ADPRM: variants seen among roughly 807,000 people sequenced by gnomAD.
ADPRM encodes ADP-ribose/CDP-alcohol diphosphatase, manganese dependent, also known as manganese-dependent ADP-ribose/CDP-alcohol diphosphatase.
Under a neutral mutation model 27.2 loss-of-function variants are expected in ADPRM, and 17 were observed. The observed-to-expected ratio is 0.63, with a 90% CI of 0.43 to 0.94. The LOEUF is 0.94. Among genes scored for constraint, ADPRM ranks in the 40% least tolerant of loss-of-function variants. The pLI is 0.00. For synonymous variants in ADPRM, 135 were observed against 145.3 expected, an observed-to-expected ratio of 0.93 and a Z score of 0.51; for missense variants, 337 against 412.8, an observed-to-expected ratio of 0.82 and a Z score of 1.59.
intron 1 of ADPRM, among the ~76,000 whole-genome samples, chr17:10,704,680 ATTGT>A (rs1172421704): frequency 1.3e-5 from 2 of 152,110 alleles, no homozygotes; most frequent in Non-Finnish European, 2.9e-5. Flanking sequence ...CCTTTTGTAA[ATTGT>A]TACTCTTCTG....
chr17:10,697,621 T>C lies in ADPRM; in HGVS notation c.-64T>C. On this transcript the variant is annotated 5_prime_UTR_variant, in exon 1 of 4. Transcript: ENST00000379774. ...CCGTCCCGCTCGTTGGTGGCGCTGT[T>C]ACATAGCCCGTAGTCAGAGGCCTTT... 7.5e-7 allele frequency: 1 copy of C among 1,328,616 alleles called. No individual in the cohort carries two copies. The highest frequency in any genetic ancestry group is 1.1e-6 in the Non-Finnish European group (1 of 942,576). The allele number at this position is 1,328,616 out of a possible 1,614,324, so 82.3% of individuals were successfully genotyped here.
At chr17:10,708,484 T>C (rs1422085129) in intron 3 of ADPRM, among the ~76,000 whole-genome samples, 5 of 150,516 alleles carry the variant, frequency 3.3e-5, no homozygotes, top group African/African-American at 1.2e-4. Flanking sequence ...AGATAGTTGA[T>C]TATATAAAAC....
At chr17:10,707,743 A>G (rs1399513670) in intron 3 of ADPRM, among the ~76,000 whole-genome samples, 2 of 152,240 alleles carry the variant, frequency 1.3e-5, no homozygotes, top group Non-Finnish European at 1.5e-5. Flanking sequence ...GGCACTGAGC[A>G]CTGTGCAAGC....
intron 3 of ADPRM, among the ~76,000 whole-genome samples, chr17:10,710,422 C>T (rs2074843545): frequency 1.3e-5 from 2 of 152,166 alleles, no homozygotes; most frequent in South Asian, 4.1e-4. Context: ...TTTAGTGTTA[C>T]ATCATTCTGT....
chr17:10,710,813 CTTCTT>C lies in ADPRM; in HGVS notation c.719-14_719-10del. The C allele has an allele frequency of 1.9e-6, 3 of 1,605,058 alleles. No individual in the cohort carries two copies. The highest frequency in any genetic ancestry group is 1.3e-5 in the African/African-American group (1 of 74,690). Reference sequence around the variant, plus strand: ...GATATTTCTTAATTGGCTCATAACTCTTCTTTTCTTTAACTAACAGGCCATCTTCC... The same window carrying C: ...GATATTTCTTAATTGGCTCATAACTCTTCTTTAACTAACAGGCCATCTTCC... On this transcript the variant is annotated splice_polypyrimidine_tract_variant and intron_variant, in intron 3 of 3. Transcript: ENST00000379774.
At position 10,705,311 on chromosome 17, in the gene ADPRM, A is replaced by G. The variant is rs1157821255; in HGVS notation, c.385A>G (p.Lys129Glu). 1 of 1,613,956 alleles carries G rather than the reference A, an allele frequency of 6.2e-7. No homozygotes were observed. Among genetic ancestry groups the G allele is most frequent in the Non-Finnish European group, 8.5e-7 (1 of 1,179,966 alleles). Reference protein sequence around the residue: ...EYLTHSKLNTKFLEDQIVHHP... With the variant: ...EYLTHSKLNTEFLEDQIVHHP... ...TTTAACACACTCTAAACTTAACACT[A>G]AGTTTCTAGAAGATCAGATTGTACA... Residue 129 changes from lysine to glutamate, a missense_variant, in exon 2 of 4, where the codon AAG (lysine) becomes GAG (glutamate). Transcript: ENST00000379774. This position sits in a 1 kb window ranked among gnomAD's most constrained non-coding sequence, Gnocchi z 5.4.
intron 3 of ADPRM, among the ~76,000 whole-genome samples, chr17:10,707,365 C>A (rs2074819958): frequency 6.6e-6 from 1 of 151,918 alleles, no homozygotes; most frequent in Non-Finnish European, 1.5e-5. Flanking sequence ...CAAAGCAAGA[C>A]CCTATCTCAA....
chr17:10,703,244 G>A (rs2074790777), intron 1 of ADPRM, among the ~76,000 whole-genome samples: 1 of 152,064 alleles, frequency 6.6e-6, no homozygotes, highest in South Asian at 2.1e-4. Flanking sequence ...TTTTTGTCCT[G>A]TAATTGTATT....
chr17:10,701,519 T>C lies in ADPRM; in HGVS notation c.-17-3391T>C, dbSNP rs191419998. On this transcript the variant is annotated intron_variant, in intron 1 of 3. Transcript: ENST00000379774. ...CTAATTTTTGTATTTTTAGTAGAGA[T>C]GGGGTTTCACCATGTTAGCCAGGAT... Among the ~76,000 whole-genome samples the C allele has an allele frequency of 2.6e-3, 395 of 151,612 alleles. 1 individual carries two copies. Among genetic ancestry groups the C allele is most frequent in the African/African-American group, 8.2e-3 (341 of 41,358 alleles).
intron 1 of ADPRM, among the ~76,000 whole-genome samples, chr17:10,701,160 T>TA (rs2074774267): frequency 6.6e-6 from 1 of 152,140 alleles, no homozygotes; most frequent in Non-Finnish European, 1.5e-5. Context: ...CTTTAAAACT[T>TA]AGACAGCGTA....
chr17:10,700,995 T>C (rs1467647800), intron 1 of ADPRM, among the ~76,000 whole-genome samples: 1 of 152,220 alleles, frequency 6.6e-6, no homozygotes, highest in Non-Finnish European at 1.5e-5. Context: ...TAGTACTTTA[T>C]GGTTTAGAGA....
In ADPRM at chr17:10,702,701, CTGGGTTTTT is replaced by C. The variant is rs1232078227; in HGVS notation, c.-17-2208_-17-2200del. Among the ~76,000 whole-genome samples, 5 of 152,190 alleles carry C rather than the reference CTGGGTTTTT, an allele frequency of 3.3e-5. No individual in the cohort carries two copies. The highest frequency in any genetic ancestry group is 1.2e-4 in the African/African-American group (5 of 41,436). On this transcript the variant is annotated intron_variant, in intron 1 of 3. Coordinates refer to ENST00000379774, the MANE Select transcript of ADPRM (RefSeq NM_020233.5). The surrounding 1 kb of genome is among the most constrained non-coding windows in gnomAD (Gnocchi z 4.2). ...CCTACCCCTAACTGGCCAGAGGAAA[CTGGGTTTTT>C]ACGGGCCAGGTCTGGGCCATGTGTC... is the stretch of plus-strand genomic sequence containing the variant.
rs387022 is a variant in ADPRM at position 10,711,552 on chromosome 17, G to T, written c.*408G>T. Among the ~76,000 whole-genome samples the T allele has an allele frequency of 0.49, 74,883 of 151,664 alleles. 19,150 individuals carry two copies. Among genetic ancestry groups the T allele is most frequent in the African/African-American group, 0.63 (26,224 of 41,298 alleles). ...TGTAAATGAGCTTTGGACAATTTCTGCTCAGAACACCTATACTTGGATTTT... is the reference window on the plus strand; with the variant it reads ...TGTAAATGAGCTTTGGACAATTTCTTCTCAGAACACCTATACTTGGATTTT... On this transcript the variant is annotated 3_prime_UTR_variant, in exon 4 of 4. Coordinates refer to ENST00000379774, the MANE Select transcript of ADPRM (RefSeq NM_020233.5).
chr17:10,707,655 T>C (rs2074821640), intron 3 of ADPRM, among the ~76,000 whole-genome samples: 1 of 152,182 alleles, frequency 6.6e-6, no homozygotes. Flanking sequence ...ATCAGCAAAG[T>C]GGCCACCAAA....
chr17:10,704,434 C>G (rs1201927630), intron 1 of ADPRM, among the ~76,000 whole-genome samples: 1 of 131,072 alleles, frequency 7.6e-6, no homozygotes, highest in Non-Finnish European at 1.6e-5. Flanking sequence ...TAACCCATAA[C>G]AGGAACCTTT....
chr17:10,707,807 A>G (rs1438994635), intron 3 of ADPRM, among the ~76,000 whole-genome samples: 1 of 152,196 alleles, frequency 6.6e-6, no homozygotes, highest in Non-Finnish European at 1.5e-5. Flanking sequence ...ATATAGAATC[A>G]TTTTTGATGG....
intron 1 of ADPRM, among the ~76,000 whole-genome samples, chr17:10,698,810 A>G (rs540774235): frequency 8.2e-4 from 125 of 152,288 alleles, no homozygotes; most frequent in African/African-American, 2.9e-3. Flanking sequence ...TTTCTATCTT[A>G]TAGTTGCCTG....
Position 10,711,336 on chromosome 17 carries a change from C to T in ADPRM, c.*192C>T. ...TCATGTATCCATTGTAAGTTAGAAA[C>T]AAACCAGGGAGGAAACTGAGGCAGG... is the stretch of plus-strand genomic sequence containing the variant. On this transcript the variant is annotated 3_prime_UTR_variant, in exon 4 of 4. Transcript: ENST00000379774. The T allele has an allele frequency of 1.7e-6, 1 of 588,662 alleles. No individual in the cohort carries two copies. The highest frequency in any genetic ancestry group is 2.1e-5 in the South Asian group (1 of 46,972). 36.5% of individuals were successfully genotyped at this position (588,662 alleles called of 1,614,324 possible). A position where few individuals can be genotyped will look rare whatever the true frequency, so the allele number is the denominator to read the frequency against.
chr17:10,703,238 T>A lies in ADPRM; in HGVS notation c.-17-1672T>A, dbSNP rs1567579700. Among the ~76,000 whole-genome samples the A allele has an allele frequency of 5.3e-5, 8 of 152,338 alleles. No individual in the cohort carries two copies. The South Asian group carries it at 1.7e-3, about 32-fold the overall frequency. ...TTTTAAACTGACTTAGATGGATTTT[T>A]GTCCTGTAATTGTATTGAAGTTACC... On this transcript the variant is annotated intron_variant, in intron 1 of 3. Coordinates refer to ENST00000379774, the MANE Select transcript of ADPRM (RefSeq NM_020233.5).
Sources: allele counts gnomAD v4.1 joint callset (sites outside exome capture counted in the v4.1 genomes callset), GRCh38; gene constraint gnomAD v4.1.1; non-coding constraint Gnocchi (gnomAD v3.1); transcripts MANE v1.5; gene names NCBI Gene and HGNC (gene_info 2026-07-23, HGNC 2026-07-21).